The following ALCAM variants were observed in gnomAD, a reference collection of about 807,000 sequenced individuals.
The protein encoded by ALCAM is activated leukocyte cell adhesion molecule.
In ALCAM, 30 loss-of-function variants were observed where a neutral mutation model predicts 70.9. The observed-to-expected ratio is 0.42, with a 90% CI of 0.32 to 0.57. The LOEUF (loss-of-function observed/expected upper bound fraction) is 0.57, where lower values mean the gene tolerates loss of function less well. Among genes scored for constraint, ALCAM ranks in the 20% least tolerant of loss-of-function variants. ALCAM has a pLI of 0.11. For synonymous variants in ALCAM, 249 were observed against 242.5 expected, an observed-to-expected ratio of 1.03 and a Z score of -0.25; for missense variants, 591 against 695.1, an observed-to-expected ratio of 0.85 and a Z score of 1.68.
At chr3:105,517,584 G>A (rs996287163) in intron 1 of ALCAM, among the ~76,000 whole-genome samples, 1 of 152,132 alleles carries the variant, frequency 6.6e-6, no homozygotes, top group African/African-American at 2.4e-5. Flanking sequence ...AAATTAGGGA[G>A]CACAAGTAAT....
intron 1 of ALCAM, among the ~76,000 whole-genome samples, chr3:105,497,798 G>A (rs1401657539): frequency 1.3e-5 from 2 of 152,126 alleles, no homozygotes; most frequent in African/African-American, 2.4e-5. Flanking sequence ...TTGGGAGGCC[G>A]AGGCGGGCGG....
chr3:105,550,288 A>G, intron 12 of ALCAM, 29 bp downstream of exon 12: 1 of 1,575,548 alleles, frequency 6.3e-7, no homozygotes, highest in Non-Finnish European at 8.6e-7. Context: ...GCATTACAAA[A>G]GTAAGAAAAT....
At chr3:105,396,287 A>G (rs2107362275) in intron 1 of ALCAM, among the ~76,000 whole-genome samples, 1 of 152,136 alleles carries the variant, frequency 6.6e-6, no homozygotes, top group South Asian at 2.1e-4. Flanking sequence ...AGTGATGATC[A>G]TAAGGAGAGA....
chr3:105,448,551 C>T (rs1937349585), intron 1 of ALCAM, among the ~76,000 whole-genome samples: 1 of 152,154 alleles, frequency 6.6e-6, no homozygotes, highest in Non-Finnish European at 1.5e-5. Context: ...TTCCACATGA[C>T]ATCTGTGGCA....
chr3:105,508,118 A>G (rs1939132465), intron 1 of ALCAM, among the ~76,000 whole-genome samples: 1 of 152,212 alleles, frequency 6.6e-6, no homozygotes, highest in Admixed American at 6.5e-5. Flanking sequence ...GCTACATAGC[A>G]TCCCATTGAG....
intron 1 of ALCAM, among the ~76,000 whole-genome samples, chr3:105,480,062 A>G (rs1232621685): frequency 3.9e-5 from 6 of 152,142 alleles, no homozygotes; most frequent in African/African-American, 1.4e-4. Context: ...GCCCCCCAAA[A>G]AACACACAGT....
intron 1 of ALCAM, among the ~76,000 whole-genome samples, chr3:105,389,176 A>G (rs1361654088): frequency 4.0e-5 from 6 of 151,500 alleles, no homozygotes; most frequent in Admixed American, 2.0e-4. Flanking sequence ...ACACATTCAA[A>G]CAGAAAAGAG....
chr3:105,504,999 C>T (rs1189717300), intron 1 of ALCAM, among the ~76,000 whole-genome samples: 1 of 152,222 alleles, frequency 6.6e-6, no homozygotes, highest in Admixed American at 6.5e-5. Context: ...GGCTAAGTAA[C>T]TCACTAGAAG....
chr3:105,484,571 C>T (rs906598461), intron 1 of ALCAM, among the ~76,000 whole-genome samples: 1 of 151,790 alleles, frequency 6.6e-6, no homozygotes, highest in Non-Finnish European at 1.5e-5. Context: ...AAATATTTAC[C>T]AAAACTCAAG....
chr3:105,480,093 A>C (rs1938228353), intron 1 of ALCAM, among the ~76,000 whole-genome samples: 1 of 152,160 alleles, frequency 6.6e-6, no homozygotes. Flanking sequence ...ATAATTTAAA[A>C]GTTTATTCAT....
At chr3:105,410,463 A>G (rs1474944775) in intron 1 of ALCAM, among the ~76,000 whole-genome samples, 2 of 152,038 alleles carry the variant, frequency 1.3e-5, no homozygotes, top group Non-Finnish European at 2.9e-5. Flanking sequence ...GTCTTTATGT[A>G]GTACCACTCT....
intron 3 of ALCAM, among the ~76,000 whole-genome samples, chr3:105,529,433 G>T (rs2152626037): frequency 6.6e-6 from 1 of 152,162 alleles, no homozygotes; most frequent in East Asian, 1.9e-4. Flanking sequence ...AATAGTGCAT[G>T]TCCTCTTTTA....
chr3:105,437,320 G>A (rs977482381), intron 1 of ALCAM, among the ~76,000 whole-genome samples: 8 of 152,048 alleles, frequency 5.3e-5, no homozygotes, highest in African/African-American at 7.2e-5. Context: ...TTTTTAAACC[G>A]ATATCATCTA....
At chr3:105,426,598 G>A (rs1253800333) in intron 1 of ALCAM, among the ~76,000 whole-genome samples, 2 of 151,816 alleles carry the variant, frequency 1.3e-5, no homozygotes, top group Non-Finnish European at 2.9e-5. Flanking sequence ...TAGACTACCA[G>A]ACCTTATCCC....
chr3:105,478,411 T>A (rs1037183277), intron 1 of ALCAM, among the ~76,000 whole-genome samples: 11 of 152,102 alleles, frequency 7.2e-5, no homozygotes, highest in Non-Finnish European at 1.3e-4. Context: ...CTCTCCAGGA[T>A]TCCCCCTTAC....
intron 1 of ALCAM, among the ~76,000 whole-genome samples, chr3:105,394,149 G>A (rs1428112556): frequency 1.3e-5 from 2 of 151,834 alleles, no homozygotes; most frequent in African/African-American, 2.4e-5. Flanking sequence ...GCCTCCTAAA[G>A]CTGAAAAGAT....
At chr3:105,508,276 A>G (rs1247262527) in intron 1 of ALCAM, among the ~76,000 whole-genome samples, 1 of 152,196 alleles carries the variant, frequency 6.6e-6, no homozygotes, top group Non-Finnish European at 1.5e-5. Context: ...TGAAATAAGG[A>G]CATGGAATCA....
At chr3:105,434,655 T>G (rs1937011325) in intron 1 of ALCAM, among the ~76,000 whole-genome samples, 1 of 152,106 alleles carries the variant, frequency 6.6e-6, no homozygotes, top group South Asian at 2.1e-4. Context: ...TAAATTAAAT[T>G]GTCAGGACAC....
rs183015298 is a variant in ALCAM at position 105,572,391 on chromosome 3, T to C, written c.*25+427T>C. Reference sequence around the variant, plus strand: ...GAATGATGGTTTCCAGCTTCATCCATGTCCTTACAAAGGACATGAACTCGT... The same window carrying C: ...GAATGATGGTTTCCAGCTTCATCCACGTCCTTACAAAGGACATGAACTCGT... On this transcript the variant is annotated intron_variant, in intron 15 of 15. Transcript: ENST00000306107. Among the ~76,000 whole-genome samples, 376 of 152,314 alleles carry C rather than the reference T, an allele frequency of 2.5e-3. 2 individuals are homozygous for C. Among genetic ancestry groups the C allele is most frequent in the Non-Finnish European group, 4.1e-3 (281 of 68,020 alleles).
Sources: allele counts gnomAD v4.1 joint callset (sites outside exome capture counted in the v4.1 genomes callset), GRCh38; gene constraint gnomAD v4.1.1; transcripts MANE v1.5; gene names NCBI Gene and HGNC (gene_info 2026-07-23, HGNC 2026-07-21).